The following SEZ6L variants were observed in gnomAD, a reference collection of about 807,000 sequenced individuals.
SEZ6L encodes seizure 6-like protein.
Under a neutral mutation model 106.2 loss-of-function variants are expected in SEZ6L, and 37 were observed. The observed-to-expected ratio is 0.35, with a 90% CI of 0.27 to 0.46. SEZ6L has a LOEUF of 0.46. Ranked by LOEUF, SEZ6L falls within the 20% of genes least tolerant of loss-of-function variation. SEZ6L has a pLI of 1.00. For missense variants in SEZ6L, 1,172 were observed against 1,332.8 expected (o/e 0.88, Z 1.88); for synonymous variants, 541 against 570.4 (o/e 0.95, Z 0.73).
intron 5 of SEZ6L, among the ~76,000 whole-genome samples, chr22:26,301,838 T>A (rs2081463974): frequency 1.3e-5 from 2 of 152,080 alleles, no homozygotes; most frequent in South Asian, 4.1e-4. Flanking sequence ...ATAAATAAGA[T>A]CAATCTGACT....
At chr22:26,286,218 C>T (rs977772099) in intron 1 of SEZ6L, among the ~76,000 whole-genome samples, 3 of 152,192 alleles carry the variant, frequency 2.0e-5, no homozygotes, top group Non-Finnish European at 4.4e-5. Context: ...ATCATCATCT[C>T]TACCAGGAAA....
At chr22:26,195,626 G>A (rs1412033129) in intron 1 of SEZ6L, among the ~76,000 whole-genome samples, 2 of 152,156 alleles carry the variant, frequency 1.3e-5, no homozygotes, top group Non-Finnish European at 2.9e-5. Context: ...AAGCCCTGGG[G>A]TGGAAGCTGA....
At chr22:26,303,356 T>A (rs2081512067) in intron 5 of SEZ6L, among the ~76,000 whole-genome samples, 1 of 152,232 alleles carries the variant, frequency 6.6e-6, no homozygotes, top group Admixed American at 6.5e-5. Context: ...AAACATTTAA[T>A]GGGTACCTGC....
At chr22:26,312,154 A>G (rs1304055968) in intron 8 of SEZ6L, among the ~76,000 whole-genome samples, 192 bp downstream of exon 8, 2 of 152,186 alleles carry the variant, frequency 1.3e-5, no homozygotes, top group African/African-American at 4.8e-5. Context: ...AAATGGGTGA[A>G]TTTTAGAAGG....
chr22:26,378,819 G>A (rs896954286), intron 16 of SEZ6L, among the ~76,000 whole-genome samples: 8 of 152,182 alleles, frequency 5.3e-5, no homozygotes, highest in African/African-American at 1.4e-4. Flanking sequence ...CGTTTGGGGG[G>A]AATAAACCTG....
intron 1 of SEZ6L, among the ~76,000 whole-genome samples, chr22:26,240,808 T>A (rs2079102713): frequency 6.6e-6 from 1 of 151,996 alleles, no homozygotes; most frequent in Non-Finnish European, 1.5e-5. Flanking sequence ...AACAAAAATA[T>A]GTGAGTTAAC....
intron 1 of SEZ6L, among the ~76,000 whole-genome samples, chr22:26,200,672 T>C (rs755280559): frequency 7.2e-5 from 11 of 152,224 alleles, no homozygotes; most frequent in Non-Finnish European, 1.6e-4. Flanking sequence ...GCTCCCAGTG[T>C]GCCATCAGCC....
intron 1 of SEZ6L, among the ~76,000 whole-genome samples, chr22:26,286,632 C>G (rs1369456901): frequency 6.6e-6 from 1 of 152,142 alleles, no homozygotes; most frequent in East Asian, 1.9e-4. Flanking sequence ...ACTCACATCA[C>G]CTTGTACCTG....
At chr22:26,292,030 AGGAAGGAT>A (rs763957432) in intron 1 of SEZ6L, among the ~76,000 whole-genome samples, 25,330 of 88,368 alleles carry the variant, frequency 0.29, 3,265 homozygotes, top group African/African-American at 0.34. Flanking sequence ...GAAGGAAGGA[AGGAAGGAT>A]GGATGGAAGG....
chr22:26,232,346 TCACACACACACACA>T (rs10654892), intron 1 of SEZ6L, among the ~76,000 whole-genome samples: 114 of 133,266 alleles, frequency 8.6e-4, no homozygotes, highest in South Asian at 6.4e-3. Flanking sequence ...TCTCTGTCTT[TCACACACACACACA>T]CACACACACA....
At chr22:26,328,284 C>T (rs183101706) in intron 9 of SEZ6L, among the ~76,000 whole-genome samples, 1 of 152,330 alleles carries the variant, frequency 6.6e-6, no homozygotes, top group African/African-American at 2.4e-5. Flanking sequence ...TGCCCCTCAG[C>T]AGGGTGCCTA....
At chr22:26,267,692 CT>C in intron 1 of SEZ6L, among the ~76,000 whole-genome samples, 1 of 152,306 alleles carries the variant, frequency 6.6e-6, no homozygotes, top group Non-Finnish European at 1.5e-5. Flanking sequence ...GCACTTCGAA[CT>C]TAATTTTTGA....
intron 1 of SEZ6L, among the ~76,000 whole-genome samples, chr22:26,204,403 G>A (rs1246868236): frequency 6.6e-6 from 1 of 152,164 alleles, no homozygotes; most frequent in Non-Finnish European, 1.5e-5. Flanking sequence ...CATCGTTCTA[G>A]GCACTTTACA....
rs142685944 is a variant in SEZ6L at position 26,273,928 on chromosome 22, G to A, written c.95-18478G>A. Among the ~76,000 whole-genome samples the A allele has an allele frequency of 3.8e-3, 582 of 152,062 alleles. 3 individuals are homozygous for A. The highest frequency in any genetic ancestry group is 0.013 in the African/African-American group (534 of 41,486). ...AGAAGTCAGCAGGTGTAGACCTGGC[G>A]TGGACAGAGTCACCTGAGAGAGCAG... On this transcript the variant is annotated intron_variant, in intron 1 of 16. Coordinates refer to ENST00000248933, the MANE Select transcript of SEZ6L (RefSeq NM_021115.5).
chr22:26,278,677 G>A (rs1404931318), intron 1 of SEZ6L, among the ~76,000 whole-genome samples: 2 of 151,922 alleles, frequency 1.3e-5, no homozygotes, highest in Non-Finnish European at 2.9e-5. Flanking sequence ...TCTTGTGGTG[G>A]GACCCAGGTT....
chr22:26,302,876 G>T (rs1401691544), intron 5 of SEZ6L, among the ~76,000 whole-genome samples: 1 of 152,220 alleles, frequency 6.6e-6, no homozygotes, highest in Non-Finnish European at 1.5e-5. Flanking sequence ...AGCAGCTTGG[G>T]AGGACAGATG....
intron 1 of SEZ6L, among the ~76,000 whole-genome samples, chr22:26,175,831 C>CT (rs1180366137): frequency 6.6e-6 from 1 of 152,204 alleles, no homozygotes; most frequent in African/African-American, 2.4e-5. Flanking sequence ...ATTTTTCCTT[C>CT]TGTAAAATGG....
chr22:26,195,259 GT>G (rs1389976206), intron 1 of SEZ6L, among the ~76,000 whole-genome samples: 1 of 152,214 alleles, frequency 6.6e-6, no homozygotes, highest in African/African-American at 2.4e-5. Flanking sequence ...CAAAGAGGGG[GT>G]GATGAAAGTG....
At chr22:26,213,242 G>A (rs2078210198) in intron 1 of SEZ6L, among the ~76,000 whole-genome samples, 1 of 152,098 alleles carries the variant, frequency 6.6e-6, no homozygotes, top group South Asian at 2.1e-4. Context: ...ACTTAACAAT[G>A]GACTATTACA....
Sources: allele counts gnomAD v4.1 joint callset (sites outside exome capture counted in the v4.1 genomes callset), GRCh38; gene constraint gnomAD v4.1.1; transcripts MANE v1.5; gene names NCBI Gene and HGNC (gene_info 2026-07-23, HGNC 2026-07-21).